Variants in SEM1 observed in about 807,000 individuals in gnomAD.
SEM1 encodes the protein SEM1 26S proteasome subunit.
A neutral mutation model predicts 12.7 loss-of-function variants in SEM1; 3 were observed. That is an observed-to-expected ratio of 0.24 (90% confidence interval 0.11 to 0.61). The LOEUF is 0.61. Ranked by LOEUF, SEM1 falls within the 20% of genes least tolerant of loss-of-function variation. The pLI, the probability that SEM1 is intolerant of heterozygous loss-of-function variation, is 0.88. For missense variants in SEM1, 59 were observed against 81.3 expected (o/e 0.73, Z 1.06); for synonymous variants, 30 against 27.8 (o/e 1.08, Z -0.25).
intron 2 of SEM1, among the ~76,000 whole-genome samples, chr7:96,585,981 T>C (rs1806620899): frequency 6.6e-6 from 1 of 152,174 alleles, no homozygotes; most frequent in Admixed American, 6.5e-5. Context: ...TTACTCACCT[T>C]TCAATTTTTA....
chr7:96,622,618 A>G (rs781097205), exon 3 of SEM1: 1 of 764,912 alleles, frequency 1.3e-6, no homozygotes, highest in East Asian at 2.4e-5. Context: ...TCTCCCCGCT[A>G]TTCCTCCAGT....
intron 2 of SEM1, among the ~76,000 whole-genome samples, chr7:96,517,439 T>C (rs1804130677): frequency 6.6e-6 from 1 of 152,164 alleles, no homozygotes; most frequent in Non-Finnish European, 1.5e-5. Context: ...GAGTTTGAGA[T>C]TGTCCCTTTC....
At chr7:96,586,203 A>G (rs1806629262) in intron 2 of SEM1, among the ~76,000 whole-genome samples, 2 of 152,106 alleles carry the variant, frequency 1.3e-5, no homozygotes, top group Non-Finnish European at 2.9e-5. Context: ...AATACAGTGT[A>G]TGCTTGGCTT....
At chr7:96,670,207 A>C (rs1182997859), downstream of SEM1, among the ~76,000 whole-genome samples, 1 of 152,212 alleles carries the variant, frequency 6.6e-6, no homozygotes, top group Non-Finnish European at 1.5e-5. Context: ...TATTAACAGC[A>C]AATAATGGAA....
chr7:96,554,114 C>G (rs1339572055), intron 2 of SEM1, among the ~76,000 whole-genome samples: 14 of 144,016 alleles, frequency 9.7e-5, no homozygotes, highest in Admixed American at 2.8e-4. Context: ...ATGGGGTTTT[C>G]TAGATATACA....
chr7:96,522,517 G>A (rs754687991), intron 2 of SEM1, among the ~76,000 whole-genome samples: 1 of 150,828 alleles, frequency 6.6e-6, no homozygotes, highest in Non-Finnish European at 1.5e-5. Context: ...TCCACCATGG[G>A]ACTACTGCCA....
intron 2 of SEM1, among the ~76,000 whole-genome samples, chr7:96,568,146 T>G (rs1805907426): frequency 6.6e-6 from 1 of 151,832 alleles, no homozygotes; most frequent in South Asian, 2.1e-4. Flanking sequence ...CTGCAACTTT[T>G]GAACAACTTT....
intron 2 of SEM1, among the ~76,000 whole-genome samples, chr7:96,594,334 C>T (rs1359166483): frequency 6.6e-6 from 1 of 152,120 alleles, no homozygotes; most frequent in Non-Finnish European, 1.5e-5. Context: ...ACTTCCCACA[C>T]CAAGAGCTCC....
intron 2 of SEM1, among the ~76,000 whole-genome samples, chr7:96,563,399 A>G (rs966929981): frequency 6.6e-6 from 1 of 152,152 alleles, no homozygotes; most frequent in Non-Finnish European, 1.5e-5. Flanking sequence ...GAAAATGGTC[A>G]TGGCAAGTAT....
intron 2 of SEM1, among the ~76,000 whole-genome samples, chr7:96,591,520 T>G (rs1055670630): frequency 6.6e-6 from 1 of 152,184 alleles, no homozygotes; most frequent in African/African-American, 2.4e-5. Context: ...ACTGGAGTAC[T>G]TTAAAAAGTT....
At chr7:96,525,016 G>C (rs79502228) in intron 2 of SEM1, among the ~76,000 whole-genome samples, 5,118 of 152,116 alleles carry the variant, frequency 0.034, 278 homozygotes, top group African/African-American at 0.12. Context: ...GCCACAGACT[G>C]CTGGTGGCTG....
intron 2 of SEM1, among the ~76,000 whole-genome samples, chr7:96,521,349 A>T (rs1804263553): frequency 1.3e-5 from 2 of 152,148 alleles, no homozygotes; most frequent in African/African-American, 4.8e-5. Context: ...GGGAACTGTC[A>T]GTCCAAGGTC....
exon 4 of SEM1, chr7:96,483,889 G>A (rs1310375425): frequency 2.6e-6 from 4 of 1,536,642 alleles, no homozygotes; most frequent in East Asian, 2.4e-5. Context: ...GGGCCAGATT[G>A]TAGAGGTCAC....
intron 2 of SEM1, among the ~76,000 whole-genome samples, chr7:96,583,479 C>G (rs1168381872): frequency 6.7e-6 from 1 of 148,698 alleles, no homozygotes; most frequent in African/African-American, 2.5e-5. Flanking sequence ...CTGTAGATGT[C>G]TATTAGGTCC....
chr7:96,498,807 C>T (rs1406314747), upstream of SEM1, among the ~76,000 whole-genome samples: 1 of 151,904 alleles, frequency 6.6e-6, no homozygotes, highest in Non-Finnish European at 1.5e-5. Flanking sequence ...TCCAAGTAAC[C>T]CTGTAACCTT....
intron 2 of SEM1, among the ~76,000 whole-genome samples, chr7:96,515,642 A>T (rs1473937023): frequency 6.6e-6 from 1 of 152,188 alleles, no homozygotes; most frequent in Non-Finnish European, 1.5e-5. Flanking sequence ...TCCATCAATG[A>T]TAGACTGGAT....
intron 2 of SEM1, among the ~76,000 whole-genome samples, chr7:96,661,407 C>T (rs568009184): frequency 2.0e-5 from 3 of 152,180 alleles, no homozygotes; most frequent in African/African-American, 7.2e-5. Flanking sequence ...TAACAAATTG[C>T]TTCCAGGAAT....
intron 2 of SEM1, among the ~76,000 whole-genome samples, chr7:96,518,265 T>C (rs1804159137): frequency 6.6e-6 from 1 of 152,202 alleles, no homozygotes; most frequent in Non-Finnish European, 1.5e-5. Flanking sequence ...GTGGAAAGTT[T>C]CTGCCATTAT....
chr7:96,675,046 C>T (rs1789415953), intron 2 of SEM1, among the ~76,000 whole-genome samples: 1 of 152,140 alleles, frequency 6.6e-6, no homozygotes, highest in South Asian at 2.1e-4. Flanking sequence ...ATTGTCAGGA[C>T]CACTTCTCTG....
Sources: allele counts gnomAD v4.1 joint callset (sites outside exome capture counted in the v4.1 genomes callset), GRCh38; gene constraint gnomAD v4.1.1; transcripts MANE v1.5; gene names NCBI Gene and HGNC (gene_info 2026-07-23, HGNC 2026-07-21).